The following SCLT1 variants were observed in gnomAD, a reference collection of about 807,000 sequenced individuals.
SCLT1 encodes the protein sodium channel and clathrin linker 1.
A neutral mutation model predicts 112.8 loss-of-function variants in SCLT1; 78 were observed. The ratio of observed to expected loss-of-function variants is 0.69; its 90% confidence interval spans 0.58 to 0.83. The LOEUF (loss-of-function observed/expected upper bound fraction) is 0.83, where lower values mean the gene tolerates loss of function less well. SCLT1 is among the 40% of genes least tolerant of loss of function. SCLT1 has a pLI of 0.00. For synonymous variants in SCLT1, 257 were observed against 254.7 expected (o/e 1.01, Z -0.09); for missense variants, 747 against 770.4 (o/e 0.97, Z 0.36).
chr4:128,963,061 A>G (rs1262413608), intron 11 of SCLT1, among the ~76,000 whole-genome samples: 1 of 152,184 alleles, frequency 6.6e-6, no homozygotes, highest in African/African-American at 2.4e-5. Flanking sequence ...TCTTTAGTAA[A>G]TATGGGTGAA....
chr4:128,998,028 C>A, intron 7 of SCLT1, 89 bp from the exon 8 acceptor site: 1 of 529,732 alleles, frequency 1.9e-6, no homozygotes, highest in South Asian at 6.3e-5. Flanking sequence ...AGTCTAAAAT[C>A]ATTATGCCTA....
chr4:129,014,983 G>T (rs1285171258), intron 5 of SCLT1, among the ~76,000 whole-genome samples: 1 of 152,110 alleles, frequency 6.6e-6, no homozygotes, highest in East Asian at 1.9e-4. Flanking sequence ...GTAGGCACAG[G>T]TCTGTGTGCC....
intron 17 of SCLT1, 34 bp downstream of exon 17, chr4:128,942,962 A>T: frequency 6.8e-7 from 1 of 1,474,704 alleles, no homozygotes; most frequent in Non-Finnish European, 9.3e-7. Context: ...TTTGATTTTC[A>T]TAAGTACACA....
intron 15 of SCLT1, among the ~76,000 whole-genome samples, chr4:128,946,655 T>G (rs1277977148): frequency 2.0e-5 from 3 of 152,186 alleles, no homozygotes; most frequent in Admixed American, 6.5e-5. Flanking sequence ...GCAGCTGAAG[T>G]AAAAATAAAT....
At chr4:128,928,238 T>C (rs1733491114) in intron 18 of SCLT1, among the ~76,000 whole-genome samples, 1 of 151,956 alleles carries the variant, frequency 6.6e-6, no homozygotes, top group African/African-American at 2.4e-5. Flanking sequence ...ATATACGAGA[T>C]TACAGAAAAA....
intron 18 of SCLT1, among the ~76,000 whole-genome samples, chr4:128,905,170 TCCCTTCTTCCTAG>T (rs2125939632): frequency 6.6e-6 from 1 of 152,316 alleles, no homozygotes; most frequent in South Asian, 2.1e-4. Flanking sequence ...CTTCCTAAGT[TCCCTTCTTCCTAG>T]TAAATAAGCA....
At chr4:128,934,398 T>C (rs17013950) in intron 18 of SCLT1, among the ~76,000 whole-genome samples, 5,002 of 151,930 alleles carry the variant, frequency 0.033, 231 homozygotes, top group African/African-American at 0.1. Flanking sequence ...TATTGCTCCA[T>C]GTGCTAGGAT....
chr4:128,903,746 C>G (rs1222425101), intron 18 of SCLT1, among the ~76,000 whole-genome samples: 1 of 152,112 alleles, frequency 6.6e-6, no homozygotes, highest in Admixed American at 6.5e-5. Context: ...TTTCCTAGAG[C>G]CTTCCTGTCA....
At chr4:128,990,866 A>G (rs1168364934) in intron 9 of SCLT1, among the ~76,000 whole-genome samples, 1 of 151,722 alleles carries the variant, frequency 6.6e-6, no homozygotes, top group Non-Finnish European at 1.5e-5. Flanking sequence ...CTCAGGAACA[A>G]AAAACCAAAG....
intron 2 of SCLT1, among the ~76,000 whole-genome samples, chr4:129,071,663 C>T (rs1751015596): frequency 6.6e-6 from 1 of 151,956 alleles, no homozygotes; most frequent in African/African-American, 2.4e-5. Flanking sequence ...ATTTTTCCAC[C>T]CCTTCACTTT....
intron 5 of SCLT1, among the ~76,000 whole-genome samples, chr4:129,032,582 G>C (rs889317119): frequency 1.3e-5 from 2 of 151,846 alleles, no homozygotes; most frequent in African/African-American, 4.8e-5. Flanking sequence ...ATTTTTTCAA[G>C]CTATCCATCT....
chr4:129,062,345 G>A (rs915444453), intron 2 of SCLT1, among the ~76,000 whole-genome samples: 1 of 151,970 alleles, frequency 6.6e-6, no homozygotes, highest in African/African-American at 2.4e-5. Context: ...TTTGTGAGGG[G>A]AACAATTGCT....
At chr4:129,009,716 T>G (rs1744352860) in intron 5 of SCLT1, among the ~76,000 whole-genome samples, 1 of 151,882 alleles carries the variant, frequency 6.6e-6, no homozygotes, top group South Asian at 2.1e-4. Context: ...TCTAATTAAG[T>G]TGAGCTTTTT....
intron 18 of SCLT1, among the ~76,000 whole-genome samples, chr4:128,891,509 A>G (rs1733319148): frequency 6.6e-6 from 1 of 152,222 alleles, no homozygotes; most frequent in Non-Finnish European, 1.5e-5. Flanking sequence ...ACATATTTTA[A>G]AAGTACAAAA....
intron 18 of SCLT1, among the ~76,000 whole-genome samples, chr4:128,918,527 T>G (rs1735643457): frequency 6.6e-6 from 1 of 152,112 alleles, no homozygotes; most frequent in Non-Finnish European, 1.5e-5. Context: ...TTCTGAGAAA[T>G]ATAGGATTAT....
At chr4:128,956,606 T>C (rs1739233262) in intron 13 of SCLT1, among the ~76,000 whole-genome samples, 1 of 152,124 alleles carries the variant, frequency 6.6e-6, no homozygotes, top group South Asian at 2.1e-4. Context: ...TGTTGTACAG[T>C]GGCTTTATGG....
intron 2 of SCLT1, among the ~76,000 whole-genome samples, chr4:129,056,590 G>A: frequency 6.6e-6 from 1 of 152,116 alleles, no homozygotes; most frequent in East Asian, 1.9e-4. Flanking sequence ...CTAATTTTCA[G>A]TAGCTATTGT....
At position 129,027,400 on chromosome 4, in the gene SCLT1, C is replaced by T. The variant is rs193243350; in HGVS notation, c.290+11641G>A. Among the ~76,000 whole-genome samples, 782 of 150,862 alleles carry T rather than the reference C, an allele frequency of 5.2e-3. 6 individuals are homozygous for T. The highest frequency in any genetic ancestry group is 0.018 in the African/African-American group (729 of 41,368). On this transcript the variant is annotated intron_variant, in intron 5 of 20. Coordinates refer to ENST00000281142, the MANE Select transcript of SCLT1 (RefSeq NM_144643.4). Reference sequence around the variant, plus strand: ...TGGGATGCAAAGCTGGTTAAATATACGCAAATCAATAACAAAGACAAAAAC... The same window carrying T: ...TGGGATGCAAAGCTGGTTAAATATATGCAAATCAATAACAAAGACAAAAAC...
At chr4:128,930,056 G>T (rs1448862617) in intron 18 of SCLT1, among the ~76,000 whole-genome samples, 1 of 152,160 alleles carries the variant, frequency 6.6e-6, no homozygotes, top group East Asian at 1.9e-4. Context: ...GGAGATTCAT[G>T]TCTTCAGAAG....
Sources: allele counts gnomAD v4.1 joint callset (sites outside exome capture counted in the v4.1 genomes callset), GRCh38; gene constraint gnomAD v4.1.1; transcripts MANE v1.5; gene names NCBI Gene and HGNC (gene_info 2026-07-23, HGNC 2026-07-21).